The following CTNNAL1 variants were observed in gnomAD, a reference collection of about 807,000 sequenced individuals.
CTNNAL1 encodes catenin alpha like 1.
Under a neutral mutation model 93.6 loss-of-function variants are expected in CTNNAL1, and 69 were observed. The ratio of observed to expected loss-of-function variants is 0.74; its 90% CI spans 0.61 to 0.90. The LOEUF is 0.90. Ranked by LOEUF, CTNNAL1 falls within the 40% of genes least tolerant of loss-of-function variation. The pLI is 0.00. For missense variants in CTNNAL1, 836 were observed against 862.0 expected (o/e 0.97, Z 0.38); for synonymous variants, 286 against 305.4 (o/e 0.94, Z 0.66).
Position 108,977,012 on chromosome 9 carries a change from C to A in CTNNAL1, c.1138G>T (p.Glu380Ter). ...KKTKSIAEEL[E>*]LSILKISHSL... ...TGACTGATTTTCAAAATACTGAGTT[C>A]CAGTTCTTCAGCGATGCTTTTTGTT... The change falls in exon 8 of 19, where the codon GAA becomes TAA. Residue 380 changes from glutamate to a stop codon, truncating the protein, a stop_gained. Coordinates refer to ENST00000325551, the MANE Select transcript of CTNNAL1 (RefSeq NM_003798.4). LOFTEE classifies it high-confidence loss of function. 6.5e-7 allele frequency: 1 copy of A among 1,538,510 alleles called. No homozygotes were observed. The highest frequency in any genetic ancestry group is 8.7e-7 in the Non-Finnish European group (1 of 1,144,196).
chr9:109,012,920 G>A (rs1451395941), intron 1 of CTNNAL1, among the ~76,000 whole-genome samples: 1 of 152,154 alleles, frequency 6.6e-6, no homozygotes. Context: ...CCAGCGAGGG[G>A]CCCCGCGGGG....
At chr9:108,969,131 G>C (rs1201985614) in intron 10 of CTNNAL1, among the ~76,000 whole-genome samples, 1 of 151,798 alleles carries the variant, frequency 6.6e-6, no homozygotes, top group Non-Finnish European at 1.5e-5. Flanking sequence ...TTAGCCAGAC[G>C]TGGTGGCATA....
At chr9:108,950,571 G>A in intron 14 of CTNNAL1, 3 of 1,550,282 alleles carry the variant, frequency 1.9e-6, no homozygotes, top group Non-Finnish European at 2.6e-6. Context: ...CTAAGCTTGG[G>A]ACTGCATCTT....
intron 4 of CTNNAL1, among the ~76,000 whole-genome samples, chr9:108,988,126 C>G (rs1178746389): frequency 6.6e-6 from 1 of 152,098 alleles, no homozygotes; most frequent in African/African-American, 2.4e-5. Flanking sequence ...CTCCCTTGCC[C>G]AGGCTGGAGC....
chr9:108,952,505 A>G lies in CTNNAL1; in HGVS notation c.1630-11T>C. ...GTTTGCATTATTCTTCTGTGACAAT[A>G]AAAAGATTAAGATTATCTTAAAAAG... On this transcript the variant is annotated splice_polypyrimidine_tract_variant and intron_variant, in intron 12 of 18. Coordinates refer to ENST00000325551, the MANE Select transcript of CTNNAL1 (RefSeq NM_003798.4). 1 of 1,613,982 alleles carries G rather than the reference A, an allele frequency of 6.2e-7. No individual in the cohort carries two copies. The highest frequency in any genetic ancestry group is 8.5e-7 in the Non-Finnish European group (1 of 1,179,972).
At chr9:108,947,086 ATGAG>A (rs2132081915) in intron 15 of CTNNAL1, among the ~76,000 whole-genome samples, 1 of 151,446 alleles carries the variant, frequency 6.6e-6, no homozygotes, top group Non-Finnish European at 1.5e-5. Context: ...ATAAAACTAT[ATGAG>A]TGATAAAGTG....
chr9:108,991,269 C>G (rs184846708), intron 3 of CTNNAL1, among the ~76,000 whole-genome samples: 2 of 152,192 alleles, frequency 1.3e-5, no homozygotes, highest in Admixed American at 1.3e-4. Flanking sequence ...GGAACCCTAA[C>G]ATTCTCAGGA....
At chr9:108,972,864 G>GGGGGGGGGGGGGGGGGGCCCCACC in intron 8 of CTNNAL1, 31 bp from the exon 9 acceptor site, 1 of 142,590 alleles carries the variant, frequency 7.0e-6, no homozygotes, top group Non-Finnish European at 1.0e-5. Flanking sequence ...GGGGGGGTGG[G>GGGGGGGGGGGGGGGGGGCCCCACC]AGGGTGGAGA....
At chr9:108,993,920 T>C (rs1414383613) in intron 2 of CTNNAL1, among the ~76,000 whole-genome samples, 1 of 152,004 alleles carries the variant, frequency 6.6e-6, no homozygotes, top group African/African-American at 2.4e-5. Context: ...CAGGGTGAAG[T>C]ATAAGTCAAG....
chr9:108,967,433 T>G (rs1242197632), intron 10 of CTNNAL1, among the ~76,000 whole-genome samples: 1 of 152,140 alleles, frequency 6.6e-6, no homozygotes, highest in Non-Finnish European at 1.5e-5. Context: ...ACCCACTACA[T>G]ACTAGTAGGC....
At chr9:108,949,564 C>A (rs921301044) in intron 14 of CTNNAL1, among the ~76,000 whole-genome samples, 1 of 152,186 alleles carries the variant, frequency 6.6e-6, no homozygotes, top group Non-Finnish European at 1.5e-5. Flanking sequence ...AAAAATTAGG[C>A]CAGGTGTGGT....
rs776248117 is a variant in CTNNAL1, at chr9:108,952,270, C to A, written c.1774G>T (p.Glu592Ter). Residue 592 changes from glutamate (E) to a stop codon, truncating the protein, a stop_gained, in exon 14 of 19, where the codon GAG (glutamate) becomes TAG (stop). Transcript: ENST00000325551. LOFTEE classifies it high-confidence loss of function. The part of the protein sequence containing the change: ...EIEKWEDQEN[E>*]IVQYGRNMSS... ...ATGTTCCGTCCATATTGAACAATCT[C>A]ATTCTCCTGATCTTCCCACTTCTCA... The A allele has an allele frequency of 6.2e-7, 1 of 1,614,202 alleles. No homozygotes were observed. Among genetic ancestry groups the A allele is most frequent in the South Asian group, 1.1e-5 (1 of 91,084 alleles).
In CTNNAL1 at chr9:108,981,183, C is replaced by T. The variant is rs552780078; in HGVS notation, c.901-1702G>A. On this transcript the variant is annotated intron_variant, in intron 6 of 18. Coordinates refer to ENST00000325551, the MANE Select transcript of CTNNAL1 (RefSeq NM_003798.4). ...AGCAGGTGGTGAAAGATGTCTCTCA[C>T]TTGACTTACTTGTTTCCCTAATTAT... is the stretch of plus-strand genomic sequence containing the variant. Among the ~76,000 whole-genome samples, 3 of 152,358 alleles carry T rather than the reference C, an allele frequency of 2.0e-5. 1 individual carries two copies. Among genetic ancestry groups the T allele is most frequent in the African/African-American group, 7.2e-5 (3 of 41,592 alleles).
chr9:108,973,674 T>C (rs1831182542), intron 8 of CTNNAL1, among the ~76,000 whole-genome samples: 1 of 150,020 alleles, frequency 6.7e-6, no homozygotes, highest in Non-Finnish European at 1.5e-5. Context: ...TTTCTTCTTA[T>C]CTTGCCTTTT....
intron 4 of CTNNAL1, among the ~76,000 whole-genome samples, chr9:108,987,818 G>T (rs1403089676): frequency 2.6e-5 from 4 of 152,128 alleles, no homozygotes; most frequent in Non-Finnish European, 5.9e-5. Context: ...CTCATGATTT[G>T]GCTCTCTGTT....
chr9:108,952,752 C>T (rs115211704), intron 12 of CTNNAL1, among the ~76,000 whole-genome samples: 98 of 152,308 alleles, frequency 6.4e-4, no homozygotes, highest in African/African-American at 2.2e-3. Context: ...GTGCTTACAG[C>T]TGCTCTCCTC....
intron 8 of CTNNAL1, 75 bp downstream of exon 8, chr9:108,976,887 T>C (rs1031798280): frequency 3.4e-6 from 2 of 587,146 alleles, no homozygotes; most frequent in African/African-American, 3.9e-5. Context: ...CTAATAATAC[T>C]AATGTATTTC....
At chr9:108,966,243 A>C (rs1251219814) in intron 10 of CTNNAL1, among the ~76,000 whole-genome samples, 4 of 152,188 alleles carry the variant, frequency 2.6e-5, no homozygotes, top group Non-Finnish European at 5.9e-5. Flanking sequence ...AACACTTGTA[A>C]AGAGGGCAGA....
At chr9:108,969,168 G>A (rs10979631) in intron 10 of CTNNAL1, among the ~76,000 whole-genome samples, 8,021 of 151,962 alleles carry the variant, frequency 0.053, 328 homozygotes, top group East Asian at 0.12. Context: ...TACTCAGGAG[G>A]GTGAGGCAGG....
Sources: gnomAD v4.1 joint callset for allele counts (sites outside exome capture counted in the v4.1 genomes callset) on GRCh38, gnomAD v4.1.1 for gene constraint, MANE v1.5 for transcripts, NCBI Gene and HGNC (gene_info 2026-07-23, HGNC 2026-07-21) for gene names.